FRAS1: variants seen among roughly 807,000 people sequenced by gnomAD.
FRAS1 encodes the protein Fraser extracellular matrix complex subunit 1, also known as extracellular matrix organizing protein FRAS1.
A neutral mutation model predicts 435.2 loss-of-function variants in FRAS1; 290 were observed. The ratio of observed to expected loss-of-function variants is 0.67; its 90% confidence interval spans 0.61 to 0.73. FRAS1 has a LOEUF of 0.73. Ranked by LOEUF, FRAS1 falls within the 30% of genes least tolerant of loss-of-function variation. FRAS1 has a pLI of 0.00. For missense variants in FRAS1, 4,860 were observed against 5,001.5 expected (o/e 0.97, Z 0.85); for synonymous variants, 1,800 against 1,851.0 (o/e 0.97, Z 0.71).
At chr4:78,062,435 G>A (rs925745924) in intron 1 of FRAS1, among the ~76,000 whole-genome samples, 1 of 152,112 alleles carries the variant, frequency 6.6e-6, no homozygotes, top group Non-Finnish European at 1.5e-5. Flanking sequence ...ATGCCAACTT[G>A]TGGCTGCTTG....
At chr4:78,196,657 G>A (rs1722825914) in intron 2 of FRAS1, among the ~76,000 whole-genome samples, 1 of 151,484 alleles carries the variant, frequency 6.6e-6, no homozygotes, top group South Asian at 2.1e-4. Flanking sequence ...GGTGTCTGTG[G>A]GCATATATTC....
intron 61 of FRAS1, among the ~76,000 whole-genome samples, chr4:78,501,863 T>C (rs1168068444): frequency 1.3e-5 from 2 of 152,224 alleles, no homozygotes; most frequent in Admixed American, 1.3e-4. Flanking sequence ...AGGTCTAACA[T>C]TTAAGTCTTT....
rs74772196 is a variant in FRAS1, at chr4:78,472,793, T to C, written c.7522+463T>C. 5.0e-3 allele frequency among the ~76,000 whole-genome samples: 761 copies of C among 152,332 alleles called. 6 individuals are homozygous for C. The highest frequency in any genetic ancestry group is 0.024 in the Middle Eastern group (7 of 294). On this transcript the variant is annotated intron_variant, in intron 52 of 73. Coordinates refer to ENST00000512123, the MANE Select transcript of FRAS1 (RefSeq NM_025074.7). ...GGTTGCTCAACAGAAATATTTTCCC[T>C]GTTTTGAATCATCTCAAGCAGGCCA...
chr4:78,287,448 G>A (rs1480973390), intron 14 of FRAS1, among the ~76,000 whole-genome samples: 1 of 152,174 alleles, frequency 6.6e-6, no homozygotes, highest in Non-Finnish European at 1.5e-5. Context: ...CTAAGGCAGG[G>A]TGTGTAGTGG....
At chr4:78,463,370 T>TA (rs1379172023) in intron 47 of FRAS1, among the ~76,000 whole-genome samples, 1 of 152,196 alleles carries the variant, frequency 6.6e-6, no homozygotes, top group Non-Finnish European at 1.5e-5. Flanking sequence ...AGGATATTGT[T>TA]TTTCCAGGTC....
chr4:78,355,819 T>C lies in FRAS1; in HGVS notation c.2423-7694T>C, dbSNP rs77848306. On this transcript the variant is annotated intron_variant, in intron 20 of 73. Coordinates refer to ENST00000512123, the MANE Select transcript of FRAS1 (RefSeq NM_025074.7). ...GCAGACTGGAGTATTTTAGGGGGAA[T>C]TCACCCTGGAATTTGTTGGTCTCTC... Among the ~76,000 whole-genome samples, 555 of 152,278 alleles carry C rather than the reference T, an allele frequency of 3.6e-3. 4 individuals carry two copies. Among genetic ancestry groups the C allele is most frequent in the African/African-American group, 0.012 (509 of 41,562 alleles).
intron 2 of FRAS1, among the ~76,000 whole-genome samples, chr4:78,079,274 G>C (rs1740791738): frequency 6.6e-6 from 1 of 152,122 alleles, no homozygotes; most frequent in Non-Finnish European, 1.5e-5. Context: ...TGTAAGTAGA[G>C]GGTAAGGAAT....
chr4:78,347,165 T>C (rs1257548567), intron 20 of FRAS1, among the ~76,000 whole-genome samples: 2 of 152,232 alleles, frequency 1.3e-5, no homozygotes, highest in East Asian at 1.9e-4. Context: ...CCACTACTGA[T>C]TTTTCAATTG....
chr4:78,311,446 C>T (rs967671821), intron 15 of FRAS1, among the ~76,000 whole-genome samples: 1 of 152,128 alleles, frequency 6.6e-6, no homozygotes, highest in East Asian at 1.9e-4. Context: ...CCCTGGTGTG[C>T]CCCCGTCATA....
At position 78,211,865 on chromosome 4, in the gene FRAS1, C is replaced by G. The variant is rs144853562; in HGVS notation, c.109-25645C>G. On this transcript the variant is annotated intron_variant, in intron 2 of 73. Coordinates refer to ENST00000512123, the MANE Select transcript of FRAS1 (RefSeq NM_025074.7). Reference sequence around the variant, plus strand: ...AAGCAGTAACTTTCCACTCTCCCTCCCTCTGCCTCTGGTAACCCCTCATCT... The same window carrying G: ...AAGCAGTAACTTTCCACTCTCCCTCGCTCTGCCTCTGGTAACCCCTCATCT... Among the ~76,000 whole-genome samples the G allele has an allele frequency of 2.6e-3, 395 of 152,242 alleles. 1 individual carries two copies. Among genetic ancestry groups the G allele is most frequent in the African/African-American group, 9.0e-3 (373 of 41,538 alleles).
chr4:78,531,195 C>A (rs1721701046), intron 70 of FRAS1, among the ~76,000 whole-genome samples: 2 of 152,142 alleles, frequency 1.3e-5, no homozygotes, highest in African/African-American at 4.8e-5. Context: ...ATTATTTATC[C>A]TGAGACTTTG....
intron 2 of FRAS1, among the ~76,000 whole-genome samples, chr4:78,180,506 C>T (rs888817850): frequency 2.6e-5 from 4 of 152,070 alleles, no homozygotes; most frequent in Non-Finnish European, 4.4e-5. Context: ...AATTAAAAAA[C>T]ACAAATGAAG....
chr4:78,421,955 CCG>C lies in FRAS1; in HGVS notation c.4634_4635del (p.Pro1545ArgfsTer46). 1 of 1,613,698 alleles carries C rather than the reference CCG, an allele frequency of 6.2e-7. No individual in the cohort carries two copies. The highest frequency in any genetic ancestry group is 8.5e-7 in the Non-Finnish European group (1 of 1,179,712). On this transcript the variant is annotated frameshift_variant, in exon 34 of 74. Transcript: ENST00000512123. LOFTEE classifies it high-confidence loss of function. Reference protein sequence around the residue: ...NQGKVMYRPPPAAPHLQELMA... With the variant: ...NQGKVMYRPPXAAPHLQELMA... ...GGGCAAAGTCATGTACCGCCCTCCC[CCG>C]GCAGCACCCCACCTCCAGGAGCTCA...
At chr4:78,450,655 T>C (rs927104020) in intron 45 of FRAS1, among the ~76,000 whole-genome samples, 1 of 151,942 alleles carries the variant, frequency 6.6e-6, no homozygotes, top group Admixed American at 6.6e-5. Flanking sequence ...AAAAAAGAAG[T>C]GAGTTGGGAT....
chr4:78,227,874 G>C (rs1296819829), intron 2 of FRAS1, among the ~76,000 whole-genome samples: 1 of 152,170 alleles, frequency 6.6e-6, no homozygotes, highest in Non-Finnish European at 1.5e-5. Flanking sequence ...TTTCAGCAAT[G>C]ACATCATAAA....
At chr4:78,130,211 A>G (rs1719616985) in intron 2 of FRAS1, among the ~76,000 whole-genome samples, 1 of 152,118 alleles carries the variant, frequency 6.6e-6, no homozygotes, top group African/African-American at 2.4e-5. Context: ...TTCCGGTTTT[A>G]AGCTCCTTAT....
At chr4:78,217,176 C>T (rs1723803795) in intron 2 of FRAS1, among the ~76,000 whole-genome samples, 1 of 152,094 alleles carries the variant, frequency 6.6e-6, no homozygotes, top group South Asian at 2.1e-4. Context: ...GAGAATTTGC[C>T]CTTCCTCTGC....
rs1271437604 is a variant in FRAS1, at chr4:78,441,209, T to C, written c.5577T>C (p.Ala1859=). ...CACTCTCATTTCACCATTTTTTTGC[T>C]ACTGATGATGATGACAACCTCCAGA... The part of the protein sequence containing the change: ...RAPLSFHHFF[A]TDDDDNLQRD... Residue 1859 remains alanine, a synonymous_variant, in exon 41 of 74, where the codon GCT becomes GCC. Coordinates refer to ENST00000512123, the MANE Select transcript of FRAS1 (RefSeq NM_025074.7). 1 of 1,613,866 alleles carries C rather than the reference T, an allele frequency of 6.2e-7. No individual in the cohort carries two copies.
intron 2 of FRAS1, among the ~76,000 whole-genome samples, chr4:78,114,359 C>T (rs1742981393): frequency 6.6e-6 from 1 of 152,070 alleles, no homozygotes; most frequent in South Asian, 2.1e-4. Context: ...TTTTCCAATT[C>T]TGTGAAGAAA....
Sources: gnomAD v4.1 joint callset for allele counts (sites outside exome capture counted in the v4.1 genomes callset) on GRCh38, gnomAD v4.1.1 for gene constraint, MANE v1.5 for transcripts, NCBI Gene and HGNC (gene_info 2026-07-23, HGNC 2026-07-21) for gene names.